Variants in EDARADD observed in about 807,000 individuals in gnomAD.
EDARADD encodes the protein EDAR associated via death domain.
A neutral mutation model predicts 25.6 loss-of-function variants in EDARADD; 20 were observed. The ratio of observed to expected loss-of-function variants is 0.78; its 90% CI spans 0.55 to 1.14. EDARADD has a LOEUF of 1.14. EDARADD is among the 50% of genes most tolerant of loss of function. EDARADD has a pLI of 0.00. For missense variants in EDARADD, 225 were observed against 270.1 expected (o/e 0.83, Z 1.17); for synonymous variants, 86 against 94.4 (o/e 0.91, Z 0.52).
At chr1:236,351,353 C>A (rs1404026168) in intron 3 of EDARADD, among the ~76,000 whole-genome samples, 1 of 152,016 alleles carries the variant, frequency 6.6e-6, no homozygotes, top group Non-Finnish European at 1.5e-5. Flanking sequence ...CAGAGGAGGT[C>A]TCCAAATACC....
At chr1:236,449,399 C>T (rs536125091) in intron 4 of EDARADD, among the ~76,000 whole-genome samples, 4 of 152,160 alleles carry the variant, frequency 2.6e-5, no homozygotes, top group South Asian at 2.1e-4. Context: ...GAATTTGTCT[C>T]GAAATCTGAT....
At chr1:236,352,169 C>T (rs1340117068) in intron 3 of EDARADD, among the ~76,000 whole-genome samples, 2 of 152,100 alleles carry the variant, frequency 1.3e-5, no homozygotes, top group East Asian at 1.9e-4. Context: ...GTGAAACTGC[C>T]GCCTAGAATA....
chr1:236,385,503 C>T (rs1386926671), intron 3 of EDARADD, among the ~76,000 whole-genome samples: 1 of 150,330 alleles, frequency 6.7e-6, no homozygotes, highest in East Asian at 2.0e-4. Flanking sequence ...GTGGGCAGAT[C>T]ATCTGAGGTA....
At chr1:236,387,489 TG>T (rs1667372194) in intron 3 of EDARADD, among the ~76,000 whole-genome samples, 1 of 30,332 alleles carries the variant, frequency 3.3e-5, no homozygotes. Flanking sequence ...CCACCCCGTC[TG>T]GGAGGTGTGC....
intron 3 of EDARADD, among the ~76,000 whole-genome samples, chr1:236,388,725 A>G (rs1165815450): frequency 1.3e-5 from 2 of 152,196 alleles, no homozygotes; most frequent in Non-Finnish European, 2.9e-5. Flanking sequence ...ACTCCCCACC[A>G]AGCTATATTC....
chr1:236,358,619 T>G (rs1759375), intron 3 of EDARADD, among the ~76,000 whole-genome samples: 51,931 of 152,046 alleles, frequency 0.34, 9,111 homozygotes, highest in African/African-American at 0.42. Flanking sequence ...TATCTTAATT[T>G]CATTATTTAC....
rs555105232 is a variant in EDARADD at position 236,408,999 on chromosome 1, C to T, written c.62-217C>T. Among the ~76,000 whole-genome samples the T allele has an allele frequency of 3.8e-4, 58 of 150,808 alleles. No individual in the cohort carries two copies. In the Middle Eastern group the frequency reaches 0.017, roughly 45 times the overall value. Reference sequence around the variant, plus strand: ...CTCGAACTCCTGACCTCAAGTGATCCACCCGCCTTGGCCTTCCAAAGTGCT... The same window carrying T: ...CTCGAACTCCTGACCTCAAGTGATCTACCCGCCTTGGCCTTCCAAAGTGCT... On this transcript the variant is annotated intron_variant, in intron 1 of 5. Coordinates refer to ENST00000334232, the MANE Select transcript of EDARADD (RefSeq NM_145861.4).
chr1:236,413,010 C>T (rs1388874694), intron 2 of EDARADD, among the ~76,000 whole-genome samples: 5 of 152,250 alleles, frequency 3.3e-5, no homozygotes, highest in African/African-American at 1.2e-4. Flanking sequence ...ATTACAGGCA[C>T]GGGCCACCAT....
chr1:236,450,226 C>T (rs1658673856), intron 4 of EDARADD, among the ~76,000 whole-genome samples: 3 of 152,040 alleles, frequency 2.0e-5, no homozygotes, highest in African/African-American at 4.8e-5. Flanking sequence ...TCGCTTAAGC[C>T]TAGGCATATG....
intron 4 of EDARADD, among the ~76,000 whole-genome samples, chr1:236,446,724 C>T (rs1658546324): frequency 1.3e-5 from 2 of 152,080 alleles, no homozygotes; most frequent in South Asian, 4.1e-4. Flanking sequence ...TTTAAAAACA[C>T]GTATATTTAT....
intron 3 of EDARADD, among the ~76,000 whole-genome samples, chr1:236,361,650 T>TATATATATATATATATATA (rs1553262114): frequency 6.0e-5 from 9 of 149,046 alleles, no homozygotes; most frequent in South Asian, 2.1e-4. Context: ...TATATATATA[T>TATATATATATATATATATA]TCCTTCATAC....
chr1:236,405,733 CTTTCTT>C (rs1667698291), intron 1 of EDARADD, among the ~76,000 whole-genome samples: 1 of 29,158 alleles, frequency 3.4e-5, no homozygotes, highest in Non-Finnish European at 7.2e-5. Context: ...CTTTTTCTTT[CTTTCTT>C]TCTTTCTTTC....
At chr1:236,428,574 G>GA (rs1657991890) in intron 4 of EDARADD, among the ~76,000 whole-genome samples, 1 of 117,480 alleles carries the variant, frequency 8.5e-6, no homozygotes, top group Non-Finnish European at 2.2e-5. Context: ...TCACTTCCCA[G>GA]ACTGGGCTGC....
At chr1:236,463,278 G>A (rs1253606) in intron 4 of EDARADD, among the ~76,000 whole-genome samples, 48,580 of 151,906 alleles carry the variant, frequency 0.32, 8,281 homozygotes, top group African/African-American at 0.42. Context: ...TTTTTTTATT[G>A]TGGTAAAATA....
chr1:236,465,061 T>C (rs190073295), intron 4 of EDARADD, among the ~76,000 whole-genome samples: 147 of 152,266 alleles, frequency 9.7e-4, no homozygotes, highest in African/African-American at 3.3e-3. Context: ...TCACCTCCTT[T>C]CCTGTTTTCC....
intron 3 of EDARADD, among the ~76,000 whole-genome samples, chr1:236,416,032 C>T (rs1184584932): frequency 1.3e-5 from 2 of 151,218 alleles, no homozygotes; most frequent in Non-Finnish European, 2.9e-5. Flanking sequence ...CAAAGCTCTC[C>T]TCCTCTTCTC....
intron 3 of EDARADD, among the ~76,000 whole-genome samples, chr1:236,366,849 G>A (rs1434881352): frequency 6.6e-6 from 1 of 151,594 alleles, no homozygotes; most frequent in Non-Finnish European, 1.5e-5. Context: ...GCCCGAGGTG[G>A]GCGGATCACC....
chr1:236,430,379 A>G (rs1236903599), intron 4 of EDARADD, among the ~76,000 whole-genome samples: 4 of 152,210 alleles, frequency 2.6e-5, no homozygotes, highest in Admixed American at 6.5e-5. Flanking sequence ...TTCCTTGAAG[A>G]TAAAAGAATG....
intron 3 of EDARADD, among the ~76,000 whole-genome samples, chr1:236,373,789 C>T (rs1033180681): frequency 1.3e-5 from 2 of 152,152 alleles, no homozygotes; most frequent in Non-Finnish European, 1.5e-5. Context: ...CTAATATATA[C>T]ATTCAAACTA....
Sources: allele counts gnomAD v4.1 joint callset (sites outside exome capture counted in the v4.1 genomes callset), GRCh38; gene constraint gnomAD v4.1.1; transcripts MANE v1.5; gene names NCBI Gene and HGNC (gene_info 2026-07-23, HGNC 2026-07-21).